Variants in SLC16A7 observed in about 807,000 individuals in gnomAD.
SLC16A7 encodes solute carrier family 16 member 7, also known as monocarboxylate transporter 2.
Under a neutral mutation model 34.9 loss-of-function variants are expected in SLC16A7, and 33 were observed. The ratio of observed to expected loss-of-function variants is 0.94; its 90% confidence interval spans 0.72 to 1.26. The LOEUF (loss-of-function observed/expected upper bound fraction) is 1.26. SLC16A7 is among the 50% of genes most tolerant of loss of function. The pLI is 0.00. For synonymous variants in SLC16A7, 201 were observed against 206.6 expected (o/e 0.97, Z 0.23); for missense variants, 573 against 578.1 (o/e 0.99, Z 0.09).
chr12:59,770,082 G>A (rs1882076428), intron 3 of SLC16A7, among the ~76,000 whole-genome samples: 1 of 151,910 alleles, frequency 6.6e-6, no homozygotes, highest in African/African-American at 2.4e-5. Flanking sequence ...GTAAAACACA[G>A]TTTCTTAACA....
chr12:59,652,098 G>T (rs1402591944), intron 1 of SLC16A7, among the ~76,000 whole-genome samples: 1 of 151,816 alleles, frequency 6.6e-6, no homozygotes, highest in Non-Finnish European at 1.5e-5. Context: ...TTTGACCTTG[G>T]ATTTACATAG....
intron 2 of SLC16A7, among the ~76,000 whole-genome samples, chr12:59,698,047 A>G (rs1872515343): frequency 6.6e-6 from 1 of 151,772 alleles, no homozygotes; most frequent in South Asian, 2.1e-4. Context: ...AGGCAACAAT[A>G]TTGTAGATGT....
rs1883632408 is a variant in SLC16A7, at chr12:59,786,489, A to G, written c.*6810A>G. ...ATGGTACGATGGATTTTATTTTTCT[A>G]TCATCAACTTTCTATATTTAACTAA... On this transcript the variant is annotated 3_prime_UTR_variant, in exon 6 of 6. Transcript: ENST00000547379. 1 of 152,054 alleles carries G rather than the reference A, an allele frequency of 6.6e-6. No homozygotes were observed. The highest frequency in any genetic ancestry group is 2.4e-5 in the African/African-American group (1 of 41,414). 9.4% of individuals were successfully genotyped at this position (152,054 alleles called of 1,614,324 possible).
intron 1 of SLC16A7, among the ~76,000 whole-genome samples, chr12:59,608,855 G>A (rs947936219): frequency 6.6e-6 from 1 of 152,074 alleles, no homozygotes; most frequent in Admixed American, 6.5e-5. Flanking sequence ...TAAAGGTGGG[G>A]AAGAAACACT....
intron 2 of SLC16A7, among the ~76,000 whole-genome samples, chr12:59,665,809 CGTGTGT>C (rs34983187): frequency 1.3e-3 from 182 of 143,060 alleles, no homozygotes; most frequent in South Asian, 3.8e-3. Flanking sequence ...ATATATAACA[CGTGTGT>C]GTGTGTGTGT....
Position 59,675,484 on chromosome 12 carries a change from G to A in SLC16A7, c.-31+20234G>A, listed in dbSNP as rs532577943. On this transcript the variant is annotated intron_variant, in intron 2 of 5. Transcript: ENST00000547379. ...CTCAGATATCAGACTTGCAGCCTCC[G>A]GAACTGTGAAAAAAACAAATTTCCA... 5.0e-4 allele frequency among the ~76,000 whole-genome samples: 58 copies of A among 116,420 alleles called. 1 individual carries two copies. The highest frequency in any genetic ancestry group is 4.6e-4 in the Non-Finnish European group (27 of 58,678). 76.4% of individuals were successfully genotyped at this position (116,420 alleles called of 152,430 possible).
At position 59,704,825 on chromosome 12, in the gene SLC16A7, A is replaced by G; in HGVS notation, c.24A>G (p.Pro8=). MPPMPSA[P]PVHPPPDGGW... ...AAATGCCACCAATGCCAAGTGCCCCACCTGTGCATCCACCTCCAGATGGAG... is the reference window on the plus strand; with the variant it reads ...AAATGCCACCAATGCCAAGTGCCCCGCCTGTGCATCCACCTCCAGATGGAG... The change falls in exon 3 of 6, where the codon CCA becomes CCG. Residue 8 remains proline (P), a synonymous_variant. Transcript: ENST00000547379. 1 of 1,613,656 alleles carries G rather than the reference A, an allele frequency of 6.2e-7. No homozygotes were observed. Among genetic ancestry groups the G allele is most frequent in the Non-Finnish European group, 8.5e-7 (1 of 1,179,748 alleles).
chr12:59,746,244 A>T (rs1878877799), intron 3 of SLC16A7, among the ~76,000 whole-genome samples: 1 of 152,234 alleles, frequency 6.6e-6, no homozygotes. Flanking sequence ...TGTGAAGCAC[A>T]AGGAGTAATC....
chr12:59,677,325 T>A (rs561482584), intron 2 of SLC16A7, among the ~76,000 whole-genome samples: 3 of 152,218 alleles, frequency 2.0e-5, no homozygotes, highest in South Asian at 4.1e-4. Context: ...ATTAAAGAGA[T>A]TTTTTTAAGG....
At chr12:59,647,014 C>T in intron 1 of SLC16A7, among the ~76,000 whole-genome samples, 1 of 152,100 alleles carries the variant, frequency 6.6e-6, no homozygotes. Context: ...AATTAACATG[C>T]TTTTGATTTT....
At chr12:59,732,152 G>T (rs761852842) in intron 3 of SLC16A7, among the ~76,000 whole-genome samples, 1 of 151,856 alleles carries the variant, frequency 6.6e-6, no homozygotes, top group Non-Finnish European at 1.5e-5. Flanking sequence ...GCACAGTGGC[G>T]CATGCCTGTA....
intron 2 of SLC16A7, among the ~76,000 whole-genome samples, chr12:59,670,621 A>C (rs1294309432): frequency 6.6e-6 from 1 of 152,330 alleles, no homozygotes; most frequent in East Asian, 1.9e-4. Flanking sequence ...TAGGTCATCT[A>C]TTCCCAAGAT....
intron 3 of SLC16A7, among the ~76,000 whole-genome samples, chr12:59,718,972 CTT>C (rs1875245501): frequency 6.6e-6 from 1 of 152,142 alleles, no homozygotes; most frequent in African/African-American, 2.4e-5. Flanking sequence ...TCCCCCACTT[CTT>C]TTGTCTTTTT....
chr12:59,646,174 A>G (rs1868249426), intron 1 of SLC16A7, among the ~76,000 whole-genome samples: 1 of 152,198 alleles, frequency 6.6e-6, no homozygotes, highest in African/African-American at 2.4e-5. Flanking sequence ...GTTAATCACC[A>G]AGACTGTGGG....
intron 2 of SLC16A7, among the ~76,000 whole-genome samples, chr12:59,680,523 T>A (rs1370392642): frequency 6.6e-6 from 1 of 152,162 alleles, no homozygotes; most frequent in African/African-American, 2.4e-5. Flanking sequence ...CTCCACCTCT[T>A]ACATTCTTGG....
intron 1 of SLC16A7, among the ~76,000 whole-genome samples, chr12:59,615,225 G>T (rs970067146): frequency 6.6e-6 from 1 of 151,812 alleles, no homozygotes; most frequent in South Asian, 2.1e-4. Flanking sequence ...ATAAATATAA[G>T]AAATAAATTT....
intron 1 of SLC16A7, among the ~76,000 whole-genome samples, chr12:59,624,591 T>C (rs1565622215): frequency 6.6e-6 from 1 of 151,820 alleles, no homozygotes; most frequent in Non-Finnish European, 1.5e-5. Context: ...TCCCAAACAT[T>C]GTCAACATGT....
At position 59,643,202 on chromosome 12, in the gene SLC16A7, C is replaced by G. The variant is rs148059738; in HGVS notation, c.-129-11950C>G. Among the ~76,000 whole-genome samples, 527 of 152,178 alleles carry G rather than the reference C, an allele frequency of 3.5e-3. 6 individuals carry two copies. The highest frequency in any genetic ancestry group is 0.01 in the Middle Eastern group (3 of 294). ...TATTCACATTTTACAGATGAGGAAA[C>G]AGAGGGTAAGAAAGCTCAATCCAAT... On this transcript the variant is annotated intron_variant, in intron 1 of 5. Coordinates refer to ENST00000547379, the MANE Select transcript of SLC16A7 (RefSeq NM_001270623.2).
intron 3 of SLC16A7, among the ~76,000 whole-genome samples, chr12:59,754,137 G>T (rs1198885914): frequency 6.6e-6 from 1 of 152,086 alleles, no homozygotes; most frequent in Non-Finnish European, 1.5e-5. Context: ...AGCACTAAAT[G>T]CCCACAAGAG....
Sources: allele counts gnomAD v4.1 joint callset (sites outside exome capture counted in the v4.1 genomes callset), GRCh38; gene constraint gnomAD v4.1.1; transcripts MANE v1.5; gene names NCBI Gene and HGNC (gene_info 2026-07-23, HGNC 2026-07-21).